HUS1: variants seen among roughly 807,000 people sequenced by gnomAD.
The protein encoded by HUS1 is HUS1 checkpoint clamp component.
In HUS1, 31 loss-of-function variants were observed where a neutral mutation model predicts 32.6. The observed-to-expected ratio is 0.95, with a 90% confidence interval of 0.72 to 1.28. The LOEUF is 1.28. Ranked by LOEUF, HUS1 falls within the 50% of genes most tolerant of loss-of-function variation. The pLI is 0.00. For synonymous variants in HUS1, 123 were observed against 116.6 expected, an observed-to-expected ratio of 1.06 and a Z score of -0.36; for missense variants, 340 against 337.7, an observed-to-expected ratio of 1.01 and a Z score of -0.05.
rs781569646 is a variant in HUS1, at chr7:47,978,812, G to T, written c.57C>A (p.Ile19=). The part of the protein sequence containing the change: ...DGACLNHFTR[I]SNMIAKLAKT... ...TGGCAAGCTTGGCTATCATGTTACT[G>T]ATTCCTAAAGCAGGGGTTAAAATAA... The change falls in exon 2 of 8, where the codon ATC becomes ATA. Residue 19 remains isoleucine (I), a synonymous_variant. Coordinates refer to ENST00000258774, the MANE Select transcript of HUS1 (RefSeq NM_004507.4). 6.2e-7 allele frequency: 1 copy of T among 1,613,842 alleles called. No individual in the cohort carries two copies. Among genetic ancestry groups the T allele is most frequent in the South Asian group, 1.1e-5 (1 of 91,042 alleles).
intron 5 of HUS1, among the ~76,000 whole-genome samples, chr7:47,974,470 A>G (rs1474742343): frequency 6.6e-6 from 1 of 152,174 alleles, no homozygotes; most frequent in Non-Finnish European, 1.5e-5. Flanking sequence ...TGGCAAAGAA[A>G]CTGAACAAAA....
intron 6 of HUS1, chr7:47,968,750 C>T (rs978642559): frequency 4.5e-5 from 7 of 155,280 alleles, no homozygotes; most frequent in African/African-American, 7.2e-5. Context: ...ACTCTATCGT[C>T]CCTTATTACC....
intron 7 of HUS1, among the ~76,000 whole-genome samples, chr7:47,966,531 A>T (rs1163833508): frequency 6.6e-6 from 1 of 152,102 alleles, no homozygotes; most frequent in East Asian, 1.9e-4. Context: ...CTGTGTTTCC[A>T]CACTCTGCAG....
chr7:47,970,859 C>G (rs1396742265), intron 5 of HUS1, among the ~76,000 whole-genome samples: 1 of 152,132 alleles, frequency 6.6e-6, no homozygotes. Flanking sequence ...GTGCAGTGAG[C>G]CAAACTGACA....
At position 47,978,111 on chromosome 7, in the gene HUS1, A is replaced by G. The variant is rs138422275; in HGVS notation, c.357+306T>C. ...TGGGAGTGGGGAGAAAACATGTCAA[A>G]GGTGAAAATGGATAGAGAAACCATG... On this transcript the variant is annotated intron_variant, in intron 3 of 7. Coordinates refer to ENST00000258774, the MANE Select transcript of HUS1 (RefSeq NM_004507.4). 1.5e-5 allele frequency: 3 copies of G among 198,628 alleles called. No homozygotes were observed. The East Asian group carries it at 2.9e-4, about 19-fold the overall frequency. 12.3% of individuals were successfully genotyped at this position (198,628 alleles called of 1,614,324 possible). A position where few individuals can be genotyped will look rare whatever the true frequency, so the allele number is the denominator to read the frequency against.
At chr7:47,972,093 A>C (rs1328795518) in intron 5 of HUS1, among the ~76,000 whole-genome samples, 1 of 152,200 alleles carries the variant, frequency 6.6e-6, no homozygotes, top group East Asian at 1.9e-4. Context: ...GTTTTCCTAC[A>C]ATCTGGAACA....
Position 47,969,297 on chromosome 7 carries a change from C to A in HUS1, c.562G>T (p.Gly188Ter). 6.3e-7 allele frequency: 1 copy of A among 1,586,698 alleles called. No homozygotes were observed. The highest frequency in any genetic ancestry group is 1.3e-5 in the African/African-American group (1 of 74,376). Reference protein sequence around the residue: ...NHLVIEANLDGELNLKIETEL... With the variant: ...NHLVIEANLD Reference sequence around the variant, plus strand: ...GTTTCTATTTTCAAATTCAATTCTCCATCTAGGTTTGCTTCAATAACCTGC... The same window carrying A: ...GTTTCTATTTTCAAATTCAATTCTCAATCTAGGTTTGCTTCAATAACCTGC... The change falls in exon 6 of 8, where the codon GGA becomes TGA. Residue 188 changes from glycine (G) to a stop codon, truncating the protein, a stop_gained. Transcript: ENST00000258774. LOFTEE classifies it high-confidence loss of function.
chr7:47,967,406 G>A (rs956432639), intron 7 of HUS1, among the ~76,000 whole-genome samples: 15 of 152,166 alleles, frequency 9.9e-5, no homozygotes, highest in African/African-American at 2.9e-4. Context: ...ACATCACAAG[G>A]GAAAACTTAA....
In HUS1 at chr7:47,978,456, A is replaced by T; in HGVS notation, c.318T>A (p.Thr106=). The T allele has an allele frequency of 6.2e-7, 1 of 1,614,226 alleles. No homozygotes were observed. The highest frequency in any genetic ancestry group is 8.5e-7 in the Non-Finnish European group (1 of 1,180,042). Residue 106 remains threonine, a synonymous_variant, in exon 3 of 8, where the codon ACT becomes ACA. Transcript: ENST00000258774. ...CCGTGAGGCAGGGAAAGTGTTTATT[A>T]GTCAGTTTGATTTTCAAAGCCCTGG... is the stretch of plus-strand genomic sequence containing the variant. ...QNARALKIKL[T]NKHFPCLTVS... is the part of the protein sequence containing the mutation.
chr7:47,965,583 C>T, intron 7 of HUS1, 145 bp from the exon 8 acceptor site: 1 of 616,408 alleles, frequency 1.6e-6, no homozygotes, highest in Non-Finnish European at 3.0e-6. Context: ...CACAGTCTCT[C>T]ACTCTCACTG....
chr7:47,968,230 A>G (rs979976720), intron 6 of HUS1, among the ~76,000 whole-genome samples: 7 of 152,144 alleles, frequency 4.6e-5, no homozygotes, highest in Non-Finnish European at 1.0e-4. Context: ...GTGAAAATAT[A>G]TACATTAACT....
At position 47,977,843 on chromosome 7, in the gene HUS1, G is replaced by A. The variant is rs3176511; in HGVS notation, c.357+574C>T. Reference sequence around the variant, plus strand: ...CGGGAGATGGAGGTTGCAGTGAGCCGAGATCGCGCCACTGCACTCCAGCCT... The same window carrying A: ...CGGGAGATGGAGGTTGCAGTGAGCCAAGATCGCGCCACTGCACTCCAGCCT... On this transcript the variant is annotated intron_variant, in intron 3 of 7. Transcript: ENST00000258774. Among the ~76,000 whole-genome samples, 165 of 152,282 alleles carry A rather than the reference G, an allele frequency of 1.1e-3. 1 individual carries two copies. The highest frequency in any genetic ancestry group is 3.6e-3 in the African/African-American group (148 of 41,572).
chr7:47,970,049 C>G (rs3176575), intron 5 of HUS1, among the ~76,000 whole-genome samples: 1 of 151,534 alleles, frequency 6.6e-6, no homozygotes, highest in South Asian at 2.1e-4. Flanking sequence ...CTGGCTAACA[C>G]GGTGAAACCC....
At chr7:47,975,970 G>A (rs1469152553) in intron 4 of HUS1, among the ~76,000 whole-genome samples, 2 of 152,110 alleles carry the variant, frequency 1.3e-5, no homozygotes, top group African/African-American at 4.8e-5. Context: ...GAAGGAATAG[G>A]GTACTTCAGC....
intron 5 of HUS1, among the ~76,000 whole-genome samples, chr7:47,973,074 T>C (rs1788630996): frequency 6.6e-6 from 1 of 152,210 alleles, no homozygotes; most frequent in Non-Finnish European, 1.5e-5. Flanking sequence ...GTTTTTCCTG[T>C]GTTCTTCTCT....
intron 5 of HUS1, among the ~76,000 whole-genome samples, chr7:47,972,688 A>G (rs965871185): frequency 9.3e-6 from 1 of 106,952 alleles, no homozygotes; most frequent in African/African-American, 3.0e-5. Context: ...TCATAGCTGC[A>G]CTGTTATCCC....
At chr7:47,976,449 C>CCAA (rs1247949414) in intron 4 of HUS1, 16 of 496,774 alleles carry the variant, frequency 3.2e-5, no homozygotes, top group African/African-American at 2.5e-4. Flanking sequence ...GTGTCTAAGG[C>CCAA]CAAGAATACT....
Position 47,978,522 on chromosome 7 carries a change from T to C in HUS1, c.252A>G (p.Thr84=), listed in dbSNP as rs1788756354. The change falls in exon 3 of 8, where the codon ACA becomes ACG. Residue 84 remains threonine, a synonymous_variant. Transcript: ENST00000258774. ...TCAAGGCTCGAGATAAGTTTTCCGA[T>C]GTTAGCTCTAAATAAATCTCATTGT... The part of the protein sequence containing the change: ...AENNEIYLEL[T]SENLSRALKT... 2 of 1,614,242 alleles carry C rather than the reference T, an allele frequency of 1.2e-6. No homozygotes were observed. The highest frequency in any genetic ancestry group is 1.7e-6 in the Non-Finnish European group (2 of 1,180,030).
intron 3 of HUS1, among the ~76,000 whole-genome samples, chr7:47,977,842 C>A (rs3176512): frequency 6.6e-6 from 1 of 151,990 alleles, no homozygotes; most frequent in Non-Finnish European, 1.5e-5. Flanking sequence ...TGCAGTGAGC[C>A]GAGATCGCGC....
Sources: gnomAD v4.1 joint callset for allele counts (sites outside exome capture counted in the v4.1 genomes callset) on GRCh38, gnomAD v4.1.1 for gene constraint, MANE v1.5 for transcripts, NCBI Gene and HGNC (gene_info 2026-07-23, HGNC 2026-07-21) for gene names.